FAM174B: variants seen among roughly 807,000 people sequenced by gnomAD.
FAM174B encodes family with sequence similarity 174 member B.
FAM174B carries 12 observed loss-of-function variants against 10.9 expected under a neutral mutation model. The ratio of observed to expected loss-of-function variants is 1.10; its 90% CI spans 0.71 to 1.79. The LOEUF is 1.79. FAM174B is among the 40% of genes most tolerant of loss of function. FAM174B has a pLI of 0.00. For synonymous variants in FAM174B, 132 were observed against 115.8 expected (o/e 1.14, Z -0.90); for missense variants, 266 against 233.3 (o/e 1.14, Z -0.91).
chr15:92,646,471 C>T (rs1207500989), intron 1 of FAM174B, among the ~76,000 whole-genome samples: 1 of 152,138 alleles, frequency 6.6e-6, no homozygotes, highest in African/African-American at 2.4e-5. Context: ...TTCTAAGCCC[C>T]CCAACCATCT....
intron 2 of FAM174B, chr15:92,619,825 A>C: frequency 3.5e-5 from 10 of 283,588 alleles, no homozygotes; most frequent in Admixed American, 4.7e-5. Flanking sequence ...AGATCCCACA[A>C]TCACGGTGAT....
chr15:92,654,897 T>C (rs572257898), intron 1 of FAM174B, among the ~76,000 whole-genome samples: 1 of 152,032 alleles, frequency 6.6e-6, no homozygotes, highest in African/African-American at 2.4e-5. Flanking sequence ...TAGACAGGCC[T>C]GGGTTCAAGT....
At chr15:92,638,926 C>T (rs557226052) in intron 1 of FAM174B, among the ~76,000 whole-genome samples, 65 of 152,330 alleles carry the variant, frequency 4.3e-4, no homozygotes, top group African/African-American at 1.4e-3. Flanking sequence ...ACTGGGGTGA[C>T]GGTACCAGCA....
At chr15:92,630,958 G>A (rs1443828906) in intron 1 of FAM174B, among the ~76,000 whole-genome samples, 5 of 7,394 alleles carry the variant, frequency 6.8e-4, no homozygotes, top group Non-Finnish European at 1.4e-3. Flanking sequence ...TATATATTAC[G>A]TATTACATAT....
At chr15:92,655,284 G>C (rs1194921710) in intron 1 of FAM174B, 32 bp downstream of exon 1, 1 of 1,504,620 alleles carries the variant, frequency 6.6e-7, no homozygotes, top group Non-Finnish European at 8.9e-7. Context: ...CCTGTCGGCC[G>C]GCGGGGGAAG....
intron 1 of FAM174B, 133 bp from the exon 2 acceptor site, chr15:92,630,478 T>A: frequency 1.2e-6 from 1 of 841,678 alleles, no homozygotes; most frequent in Non-Finnish European, 1.8e-6. Context: ...TCTGAGAGTG[T>A]GAGGATCTGA....
intron 2 of FAM174B, among the ~76,000 whole-genome samples, chr15:92,627,809 G>C (rs57362979): frequency 0.087 from 13,273 of 152,160 alleles, 998 homozygotes; most frequent in African/African-American, 0.2. Flanking sequence ...TTTTGACTGT[G>C]AATAGTAATA....
chr15:92,634,595 T>G (rs2050841053), intron 1 of FAM174B: 1 of 152,196 alleles, frequency 6.6e-6, no homozygotes, highest in Admixed American at 6.5e-5. Context: ...CTGTGGCCCA[T>G]GATGCTTTAA....
At chr15:92,622,887 C>T (rs978431994) in intron 2 of FAM174B, among the ~76,000 whole-genome samples, 1 of 152,164 alleles carries the variant, frequency 6.6e-6, no homozygotes, top group Non-Finnish European at 1.5e-5. Flanking sequence ...TGGCCAGGTG[C>T]GGTACCTCAC....
Position 92,655,625 on chromosome 15 carries a change from G to A in FAM174B, c.35C>T (p.Pro12Leu), listed in dbSNP as rs755526805. The change falls in exon 1 of 3, where the codon CCG (proline) becomes CTG (leucine). Residue 12 changes from proline to leucine, a missense_variant. Pro to Leu is a moderately conservative substitution (Grantham distance 98, BLOSUM62 -3). Transcript: ENST00000327355. ...RAVPLPAPLL[P>L]LLLLALLAAP... ...GGCCAGGAGCGCGAGCAGCAGCAGC[G>A]GCAGGAGCGGGGCGGGCAGCGGCAC... The A allele has an allele frequency of 2.0e-4, 251 of 1,261,328 alleles. No individual in the cohort carries two copies. The highest frequency in any genetic ancestry group is 2.4e-4 in the Non-Finnish European group (244 of 1,007,888). 78.1% of individuals were successfully genotyped at this position (1,261,328 alleles called of 1,614,324 possible).
intron 2 of FAM174B, among the ~76,000 whole-genome samples, chr15:92,621,559 C>T (rs990660958): frequency 2.0e-5 from 3 of 149,374 alleles, no homozygotes; most frequent in African/African-American, 7.4e-5. Flanking sequence ...TACATTGAGC[C>T]AATATCTTGC....
intron 1 of FAM174B, among the ~76,000 whole-genome samples, chr15:92,638,270 A>C (rs547415332): frequency 2.0e-4 from 30 of 152,376 alleles, no homozygotes; most frequent in South Asian, 4.1e-4. Context: ...CATCCGAACC[A>C]AAACTCATTT....
At chr15:92,637,211 T>C (rs1049052113) in intron 1 of FAM174B, among the ~76,000 whole-genome samples, 3 of 152,198 alleles carry the variant, frequency 2.0e-5, no homozygotes, top group Non-Finnish European at 4.4e-5. Context: ...CCCGAGCCAA[T>C]GACTCTCTGC....
Position 92,655,633 on chromosome 15 carries a change from C to A in FAM174B, c.27G>T (p.Pro9=). 5 of 1,257,874 alleles carry A rather than the reference C, an allele frequency of 4.0e-6. No individual in the cohort carries two copies. The highest frequency in any genetic ancestry group is 5.0e-6 in the Non-Finnish European group (5 of 1,006,368). The allele number at this position is 1,257,874 out of a possible 1,614,324, so 77.9% of individuals were successfully genotyped here. A position where few individuals can be genotyped will look rare whatever the true frequency, so the allele number is the denominator to read the frequency against. MRAVPLPA[P]LLPLLLLALL... ...GCGCGAGCAGCAGCAGCGGCAGGAG[C>A]GGGGCGGGCAGCGGCACGGCGCGCA... Residue 9 remains proline, a synonymous_variant, in exon 1 of 3, where the codon CCG becomes CCT. Transcript: ENST00000327355.
rs373489994 is a variant in FAM174B, at chr15:92,630,832, A to T, written c.345-487T>A. Among the ~76,000 whole-genome samples the T allele has an allele frequency of 1.3e-4, 4 of 30,486 alleles. 2 individuals carry two copies. The South Asian group carries it at 4.8e-3, about 36-fold the overall frequency. 20.0% of individuals were successfully genotyped at this position (30,486 alleles called of 152,430 possible). A position where few individuals can be genotyped will look rare whatever the true frequency, so the allele number is the denominator to read the frequency against. On this transcript the variant is annotated intron_variant, in intron 1 of 2. Transcript: ENST00000327355. ...ATATTTTATATATTACATATTATATATTATATATATTACATATTACATGTT... is the reference window on the plus strand; with the variant it reads ...ATATTTTATATATTACATATTATATTTTATATATATTACATATTACATGTT...
At chr15:92,623,845 C>G (rs1417546612) in intron 2 of FAM174B, among the ~76,000 whole-genome samples, 1 of 152,216 alleles carries the variant, frequency 6.6e-6, no homozygotes, top group Non-Finnish European at 1.5e-5. Flanking sequence ...CTGCTTCCAT[C>G]CAGGGACACA....
chr15:92,630,181 G>C (rs1401899981), intron 2 of FAM174B, 33 bp downstream of exon 2: 2 of 1,609,096 alleles, frequency 1.2e-6, no homozygotes. Flanking sequence ...ACTGCCCCAA[G>C]CCCAGGAGGA....
At chr15:92,650,390 AAAG>A (rs2050958216) in intron 1 of FAM174B, among the ~76,000 whole-genome samples, 2 of 152,198 alleles carry the variant, frequency 1.3e-5, no homozygotes, top group South Asian at 4.1e-4. Context: ...GAAGCACCAA[AAAG>A]AAGCCTCCTT....
intron 1 of FAM174B, among the ~76,000 whole-genome samples, chr15:92,646,073 C>T (rs560564723): frequency 2.6e-5 from 4 of 151,802 alleles, no homozygotes; most frequent in South Asian, 2.1e-4. Context: ...CCTCTTTCTC[C>T]TCTTCATCCA....
Sources: gnomAD v4.1 joint callset for allele counts (sites outside exome capture counted in the v4.1 genomes callset) on GRCh38, gnomAD v4.1.1 for gene constraint, MANE v1.5 for transcripts, NCBI Gene and HGNC (gene_info 2026-07-23, HGNC 2026-07-21) for gene names.